EPB41L4A: variants seen among roughly 807,000 people sequenced by gnomAD.
EPB41L4A encodes erythrocyte membrane protein band 4.1 like 4A.
A neutral mutation model predicts 108.6 loss-of-function variants in EPB41L4A; 100 were observed. The observed-to-expected ratio is 0.92, with a 90% CI of 0.78 to 1.09. The LOEUF (loss-of-function observed/expected upper bound fraction) is 1.09, where lower values mean the gene tolerates loss of function less well. EPB41L4A is among the 50% of genes least tolerant of loss of function. The pLI, the probability that EPB41L4A is intolerant of heterozygous loss-of-function variation, is 0.00. For synonymous variants in EPB41L4A, 319 were observed against 289.0 expected, an observed-to-expected ratio of 1.10 and a Z score of -1.05; for missense variants, 1,030 against 842.7, an observed-to-expected ratio of 1.22 and a Z score of -2.75.
rs565704966 is a variant in EPB41L4A at position 112,250,137 on chromosome 5, T to A, written c.795+9092A>T. On this transcript the variant is annotated intron_variant, in intron 9 of 22. Transcript: ENST00000261486. ...AATAAAACTAATTTTCATTTCTGCATGTATACTTCACAGTGTAAAAATAAA... is the reference window on the plus strand; with the variant it reads ...AATAAAACTAATTTTCATTTCTGCAAGTATACTTCACAGTGTAAAAATAAA... 9.8e-5 allele frequency among the ~76,000 whole-genome samples: 15 copies of A among 152,316 alleles called. No homozygotes were observed. The South Asian group carries it at 3.1e-3, about 32-fold the overall frequency.
chr5:112,184,152 G>A lies in EPB41L4A; in HGVS notation c.1503-17C>T, dbSNP rs763027488. 2.5e-6 allele frequency: 4 copies of A among 1,613,300 alleles called. No individual in the cohort carries two copies. The highest frequency in any genetic ancestry group is 1.1e-5 in the South Asian group (1 of 90,948). Reference sequence around the variant, plus strand: ...TGCCGTATTCTGAAAGGAAAGCCATGCATCTGAAGTTAACATCTACATGGA... The same window carrying A: ...TGCCGTATTCTGAAAGGAAAGCCATACATCTGAAGTTAACATCTACATGGA... On this transcript the variant is annotated splice_polypyrimidine_tract_variant and intron_variant, in intron 17 of 22. Transcript: ENST00000261486.
intron 2 of EPB41L4A, among the ~76,000 whole-genome samples, chr5:112,302,818 G>A (rs191254896): frequency 8.5e-5 from 13 of 152,282 alleles, no homozygotes; most frequent in Admixed American, 5.9e-4. Flanking sequence ...ACACACATTC[G>A]TCAGCAGGAA....
At chr5:112,173,893 C>G (rs1450434626) in intron 18 of EPB41L4A, among the ~76,000 whole-genome samples, 4 of 152,170 alleles carry the variant, frequency 2.6e-5, no homozygotes, top group Non-Finnish European at 4.4e-5. Flanking sequence ...CTGCCCACCT[C>G]AGCCTCCCAA....
chr5:112,376,449 C>T (rs990999766), intron 1 of EPB41L4A, among the ~76,000 whole-genome samples: 1 of 152,168 alleles, frequency 6.6e-6, no homozygotes, highest in Non-Finnish European at 1.5e-5. Context: ...AAAATGGTAT[C>T]GCCACTTTGG....
At chr5:112,385,019 T>G (rs1163054366) in intron 1 of EPB41L4A, among the ~76,000 whole-genome samples, 1 of 152,208 alleles carries the variant, frequency 6.6e-6, no homozygotes, top group Non-Finnish European at 1.5e-5. Context: ...ACACTGGAAG[T>G]AGCCCGGGTG....
intron 15 of EPB41L4A, among the ~76,000 whole-genome samples, chr5:112,202,813 T>G (rs1004852754): frequency 6.6e-6 from 1 of 152,098 alleles, no homozygotes; most frequent in Non-Finnish European, 1.5e-5. Flanking sequence ...AACTAGGGCA[T>G]AGGTGAAAGA....
intron 1 of EPB41L4A, among the ~76,000 whole-genome samples, chr5:112,379,698 C>A (rs113999176): frequency 3.9e-3 from 595 of 152,328 alleles, no homozygotes; most frequent in African/African-American, 0.014. Flanking sequence ...CTCAGCCATT[C>A]TGAGAAGTCC....
intron 9 of EPB41L4A, among the ~76,000 whole-genome samples, chr5:112,252,499 G>A (rs1448635943): frequency 6.6e-6 from 1 of 152,132 alleles, no homozygotes; most frequent in Non-Finnish European, 1.5e-5. Context: ...CTAAAATGAT[G>A]GGGGCAGATC....
rs1348805050 is a variant in EPB41L4A, at chr5:112,195,710, T to G, written c.1377-2A>C. On this transcript the variant is annotated splice_acceptor_variant, in intron 15 of 22. Transcript: ENST00000261486. LOFTEE classifies it high-confidence loss of function. ...TCTTCACCACTGTTATGGGCTTTCC[T>G]GTGAAAACAAATGAAGACATTTAAG... 1 of 1,612,192 alleles carries G rather than the reference T, an allele frequency of 6.2e-7. No individual in the cohort carries two copies. Among genetic ancestry groups the G allele is most frequent in the African/African-American group, 1.3e-5 (1 of 74,902 alleles).
chr5:112,314,505 T>TTAAAAAAAAAAAAAAAAA (rs1755282831), intron 1 of EPB41L4A, among the ~76,000 whole-genome samples: 1 of 55,186 alleles, frequency 1.8e-5, no homozygotes, highest in African/African-American at 8.0e-5. Flanking sequence ...CCATCGCTAC[T>TTAAAAAAAAAAAAAAAAA]AAAAAAAAAA....
intron 2 of EPB41L4A, among the ~76,000 whole-genome samples, chr5:112,301,330 C>T (rs749923792): frequency 1.3e-5 from 2 of 152,120 alleles, no homozygotes; most frequent in Non-Finnish European, 2.9e-5. Context: ...ATTCTTTTGT[C>T]CCATGGGGTG....
intron 2 of EPB41L4A, among the ~76,000 whole-genome samples, chr5:112,299,552 C>T (rs751970360): frequency 9.9e-5 from 15 of 152,122 alleles, no homozygotes; most frequent in African/African-American, 2.2e-4. Context: ...TGGTGGCTCC[C>T]GCCTGTAATC....
At chr5:112,408,118 A>C (rs1762182764) in intron 1 of EPB41L4A, among the ~76,000 whole-genome samples, 1 of 152,226 alleles carries the variant, frequency 6.6e-6, no homozygotes, top group Admixed American at 6.5e-5. Flanking sequence ...ATTTATTTTT[A>C]ATTGATTTTT....
intron 3 of EPB41L4A, among the ~76,000 whole-genome samples, chr5:112,279,203 GA>G (rs369079131): frequency 1.8e-4 from 27 of 152,062 alleles, no homozygotes; most frequent in Non-Finnish European, 3.5e-4. Context: ...AAGGCGATGA[GA>G]AACAACAATG....
At chr5:112,237,825 G>A (rs1266926222) in intron 11 of EPB41L4A, among the ~76,000 whole-genome samples, 3 of 152,108 alleles carry the variant, frequency 2.0e-5, no homozygotes, top group Non-Finnish European at 4.4e-5. Flanking sequence ...TAATGTTAGT[G>A]TCTCCTACAT....
At chr5:112,185,115 C>A (rs1196430521) in intron 17 of EPB41L4A, among the ~76,000 whole-genome samples, 7 of 141,280 alleles carry the variant, frequency 5.0e-5, no homozygotes, top group Non-Finnish European at 6.1e-5. Context: ...TTTGGCAAAA[C>A]GGAACCCCTG....
At chr5:112,198,746 T>C (rs1357991707) in intron 15 of EPB41L4A, among the ~76,000 whole-genome samples, 1 of 152,240 alleles carries the variant, frequency 6.6e-6, no homozygotes, top group Admixed American at 6.5e-5. Flanking sequence ...AATATTTTAC[T>C]CATTTTAAAT....
chr5:112,246,567 C>T (rs1296119203), intron 9 of EPB41L4A, among the ~76,000 whole-genome samples: 1 of 152,162 alleles, frequency 6.6e-6, no homozygotes, highest in Non-Finnish European at 1.5e-5. Flanking sequence ...AGATGAAAAG[C>T]TACATGCCTC....
intron 1 of EPB41L4A, among the ~76,000 whole-genome samples, chr5:112,368,707 G>A (rs1050876252): frequency 3.3e-5 from 5 of 152,086 alleles, no homozygotes; most frequent in Non-Finnish European, 7.4e-5. Context: ...TGCCTCTGCT[G>A]CATCTGGCAT....
Sources: gnomAD v4.1 joint callset for allele counts (sites outside exome capture counted in the v4.1 genomes callset) on GRCh38, gnomAD v4.1.1 for gene constraint, MANE v1.5 for transcripts, NCBI Gene and HGNC (gene_info 2026-07-23, HGNC 2026-07-21) for gene names.